TXNDC16: variants seen among roughly 807,000 people sequenced by gnomAD.
TXNDC16 encodes thioredoxin domain containing 16.
TXNDC16 carries 74 observed loss-of-function variants against 85.6 expected under a neutral mutation model. The observed-to-expected ratio is 0.86, with a 90% CI of 0.72 to 1.05. TXNDC16 has a LOEUF of 1.05. Among genes scored for constraint, TXNDC16 ranks in the 50% least tolerant of loss-of-function variants. The probability of loss-of-function intolerance (pLI) is 0.00; values close to 1 mark genes in which losing one functional copy is unlikely to be tolerated. For missense variants in TXNDC16, 959 were observed against 947.0 expected (o/e 1.01, Z -0.17); for synonymous variants, 335 against 326.5 (o/e 1.03, Z -0.28).
chr14:52,439,062 C>T, intron 20 of TXNDC16, 142 bp downstream of exon 20: 1 of 843,056 alleles, frequency 1.2e-6, no homozygotes, highest in Non-Finnish European at 1.8e-6. Flanking sequence ...GCACCTTTGG[C>T]CTCCCAGTCA....
At chr14:52,466,791 C>T (rs541418174) in intron 16 of TXNDC16, among the ~76,000 whole-genome samples, 6 of 151,564 alleles carry the variant, frequency 4.0e-5, no homozygotes, top group African/African-American at 1.2e-4. Context: ...GGCGTGAACC[C>T]GGGAGGCGGA....
intron 1 of TXNDC16, among the ~76,000 whole-genome samples, chr14:52,549,629 A>ATTTT (rs748701260): frequency 6.5e-4 from 86 of 132,986 alleles, no homozygotes; most frequent in African/African-American, 1.8e-3. Flanking sequence ...AACAGTTCTG[A>ATTTT]TTTTTTTTTT....
At chr14:52,451,527 C>A (rs1028728035) in intron 18 of TXNDC16, among the ~76,000 whole-genome samples, 2 of 152,000 alleles carry the variant, frequency 1.3e-5, no homozygotes, top group African/African-American at 4.8e-5. Flanking sequence ...CCCAAGGATG[C>A]GAGGATGGTT....
At position 52,454,649 on chromosome 14, in the gene TXNDC16, C is replaced by CAAAAAAAAA. The variant is rs34727206; in HGVS notation, c.1842+666_1842+674dup. Among the ~76,000 whole-genome samples the CAAAAAAAAA allele has an allele frequency of 4.3e-3, 256 of 59,938 alleles. 1 individual carries two copies. Among genetic ancestry groups the CAAAAAAAAA allele is most frequent in the Middle Eastern group, 0.012 (1 of 82 alleles). 39.3% of individuals were successfully genotyped at this position (59,938 alleles called of 152,430 possible). A position where few individuals can be genotyped will look rare whatever the true frequency, so the allele number is the denominator to read the frequency against. On this transcript the variant is annotated intron_variant, in intron 18 of 20. Coordinates refer to ENST00000281741, the MANE Select transcript of TXNDC16 (RefSeq NM_020784.3). ...TGAAACCTTGTGTCTACTAAAAATA[C>CAAAAAAAAA]AAAAAAAAAAAAAAAAAAAAGCCAG...
At chr14:52,502,334 T>C (rs1177043583) in intron 9 of TXNDC16, among the ~76,000 whole-genome samples, 2 of 152,246 alleles carry the variant, frequency 1.3e-5, no homozygotes, top group Admixed American at 1.3e-4. Context: ...CAGACTTTGA[T>C]TAACAATTTA....
At chr14:52,438,768 C>T (rs1227557290) in intron 20 of TXNDC16, among the ~76,000 whole-genome samples, 1 of 152,124 alleles carries the variant, frequency 6.6e-6, no homozygotes, top group African/African-American at 2.4e-5. Flanking sequence ...TATAAAACCA[C>T]ATATTTGCTT....
chr14:52,526,997 G>A (rs1446568089), intron 6 of TXNDC16, among the ~76,000 whole-genome samples: 1 of 152,246 alleles, frequency 6.6e-6, no homozygotes, highest in Non-Finnish European at 1.5e-5. Flanking sequence ...CATGCCAGGG[G>A]AGGGCATGGA....
chr14:52,506,838 G>A (rs958188464), intron 9 of TXNDC16, among the ~76,000 whole-genome samples: 1 of 141,508 alleles, frequency 7.1e-6, no homozygotes, highest in African/African-American at 2.7e-5. Flanking sequence ...TTACAGGCGT[G>A]AGCCACCGCA....
chr14:52,461,034 T>C (rs1490919399), intron 16 of TXNDC16, among the ~76,000 whole-genome samples: 1 of 151,524 alleles, frequency 6.6e-6, no homozygotes, highest in East Asian at 1.9e-4. Context: ...CTTTCTACAA[T>C]TTATTTAGTT....
intron 9 of TXNDC16, among the ~76,000 whole-genome samples, chr14:52,502,820 C>T (rs1384535297): frequency 6.6e-6 from 1 of 152,216 alleles, no homozygotes; most frequent in Admixed American, 6.5e-5. Context: ...AATTCCCTTT[C>T]CTAGCCAAGA....
At position 52,484,914 on chromosome 14, in the gene TXNDC16, T is replaced by G. The variant is rs113292281; in HGVS notation, c.1109-1949A>C. 6.9e-3 allele frequency among the ~76,000 whole-genome samples: 1,049 copies of G among 152,200 alleles called. 15 individuals are homozygous for G. Among genetic ancestry groups the G allele is most frequent in the African/African-American group, 0.024 (992 of 41,514 alleles). On this transcript the variant is annotated intron_variant, in intron 12 of 20. Coordinates refer to ENST00000281741, the MANE Select transcript of TXNDC16 (RefSeq NM_020784.3). Reference sequence around the variant, plus strand: ...AAGAAAAAAGTACAGCACATATAATTATGTACAGTAAATAATACTTGATAA... The same window carrying G: ...AAGAAAAAAGTACAGCACATATAATGATGTACAGTAAATAATACTTGATAA...
chr14:52,524,749 C>T (rs1338256399), intron 6 of TXNDC16, among the ~76,000 whole-genome samples: 2 of 152,062 alleles, frequency 1.3e-5, no homozygotes, highest in African/African-American at 4.8e-5. Context: ...CTTTCCTTAG[C>T]CTCCCAAAGT....
chr14:52,543,629 A>C lies in TXNDC16; in HGVS notation c.-72T>G. 1 of 1,530,272 alleles carries C rather than the reference A, an allele frequency of 6.5e-7. No homozygotes were observed. Among genetic ancestry groups the C allele is most frequent in the Admixed American group, 2.1e-5 (1 of 47,734 alleles). 94.8% of individuals were successfully genotyped at this position (1,530,272 alleles called of 1,614,324 possible). On this transcript the variant is annotated splice_region_variant and 5_prime_UTR_variant, in exon 3 of 21. Transcript: ENST00000281741. ...GCTGTGTTCTGTTTCCTAAGACAAC[A>C]CCTGGCACAGAGAAGGTATTCAACA...
intron 4 of TXNDC16, 47 bp from the exon 5 acceptor site, chr14:52,537,719 A>G: frequency 8.9e-7 from 1 of 1,125,604 alleles, no homozygotes; most frequent in South Asian, 1.3e-5. Context: ...CAAAAGGTCA[A>G]GTTTCTTGGT....
In TXNDC16 at chr14:52,444,649, G is replaced by A. The variant is rs149883503; in HGVS notation, c.1843-3925C>T. On this transcript the variant is annotated intron_variant, in intron 18 of 20. Transcript: ENST00000281741. ...GATTTTGATACTAAGTTTCTCCTAC[G>A]TTTCTAAGGTTTAATGAATATAATC... Among the ~76,000 whole-genome samples the A allele has an allele frequency of 2.3e-4, 35 of 152,042 alleles. 2 individuals are homozygous for A. The South Asian group carries it at 6.4e-3, about 28-fold the overall frequency.
intron 1 of TXNDC16, among the ~76,000 whole-genome samples, chr14:52,544,621 C>T (rs545059542): frequency 1.3e-5 from 2 of 151,620 alleles, no homozygotes; most frequent in South Asian, 2.1e-4. Flanking sequence ...TATGAAAAAT[C>T]ATATTAAATT....
intron 18 of TXNDC16, among the ~76,000 whole-genome samples, chr14:52,450,786 T>C (rs1162587543): frequency 6.6e-6 from 1 of 151,694 alleles, no homozygotes; most frequent in Non-Finnish European, 1.5e-5. Context: ...TAGCACAATT[T>C]GCAATTGCAA....
chr14:52,470,677 G>A lies in TXNDC16; in HGVS notation c.1316C>T (p.Thr439Ile), dbSNP rs2035887293. The part of the protein sequence containing the change: ...YIDVAVKLKG[T>I]STMLLTRINC... ...TATTCTAGTAAGAAGCATAGTAGAT[G>A]TGCCTAAATAAAAGGAAAATGCACA... Residue 439 changes from threonine (T) to isoleucine (I), a missense_variant, in exon 15 of 21, where the codon ACA becomes ATA. Thr to Ile is a moderately conservative substitution (Grantham distance 89). Coordinates refer to ENST00000281741, the MANE Select transcript of TXNDC16 (RefSeq NM_020784.3). The A allele has an allele frequency of 6.3e-7, 1 of 1,594,622 alleles. No individual in the cohort carries two copies. Among genetic ancestry groups the A allele is most frequent in the Non-Finnish European group, 8.5e-7 (1 of 1,172,670 alleles).
At chr14:52,526,688 A>C (rs753040231) in intron 6 of TXNDC16, among the ~76,000 whole-genome samples, 5 of 152,210 alleles carry the variant, frequency 3.3e-5, no homozygotes, top group Non-Finnish European at 5.9e-5. Flanking sequence ...AATCTCCACC[A>C]AACTGATGTC....
Sources: allele counts gnomAD v4.1 joint callset (sites outside exome capture counted in the v4.1 genomes callset), GRCh38; gene constraint gnomAD v4.1.1; transcripts MANE v1.5; gene names NCBI Gene and HGNC (gene_info 2026-07-23, HGNC 2026-07-21).